The following STAG1 variants were observed in gnomAD, a reference collection of about 807,000 sequenced individuals.
STAG1 encodes the protein cohesin subunit SA-1.
A neutral mutation model predicts 170.9 loss-of-function variants in STAG1; 26 were observed. The ratio of observed to expected loss-of-function variants is 0.15; its 90% confidence interval spans 0.11 to 0.21. The LOEUF is 0.21. Among genes scored for constraint, STAG1 ranks in the 10% least tolerant of loss-of-function variants. The pLI is 1.00. For synonymous variants in STAG1, 514 were observed against 497.7 expected, an observed-to-expected ratio of 1.03 and a Z score of -0.44; for missense variants, 964 against 1,509.5, an observed-to-expected ratio of 0.64 and a Z score of 5.99.
intron 15 of STAG1, among the ~76,000 whole-genome samples, chr3:136,435,937 G>A (rs1697840576): frequency 6.6e-6 from 1 of 151,884 alleles, no homozygotes; most frequent in Non-Finnish European, 1.5e-5. Context: ...CAAAGCACGG[G>A]GATTACAGGT....
At chr3:136,355,158 G>A (rs1936597127) in intron 28 of STAG1, among the ~76,000 whole-genome samples, 1 of 151,714 alleles carries the variant, frequency 6.6e-6, no homozygotes, top group Admixed American at 6.6e-5. Context: ...TTCAAGACCA[G>A]CCTGGCCAAC....
intron 3 of STAG1, 44 bp from the exon 4 acceptor site, chr3:136,604,517 TTGC>T (rs775764669): frequency 2.0e-6 from 3 of 1,520,190 alleles, no homozygotes; most frequent in Non-Finnish European, 2.7e-6. Flanking sequence ...TAGGTTTACT[TTGC>T]TTTATATAAA....
At chr3:136,340,691 C>A in intron 31 of STAG1, 86 bp from the exon 32 acceptor site, 1 of 842,144 alleles carries the variant, frequency 1.2e-6, no homozygotes, top group South Asian at 1.4e-5. Context: ...GTTATTCTAA[C>A]CAAGTGAAGT....
At chr3:136,568,138 T>C (rs1424953229) in intron 5 of STAG1, among the ~76,000 whole-genome samples, 1 of 152,096 alleles carries the variant, frequency 6.6e-6, no homozygotes, top group Non-Finnish European at 1.5e-5. Flanking sequence ...CAATTAAAGA[T>C]TACTATTCTT....
At chr3:136,624,911 T>C (rs1940029894) in intron 2 of STAG1, among the ~76,000 whole-genome samples, 1 of 152,228 alleles carries the variant, frequency 6.6e-6, no homozygotes, top group Non-Finnish European at 1.5e-5. Context: ...AATAGTAACA[T>C]GAAATAATTA....
intron 1 of STAG1, among the ~76,000 whole-genome samples, chr3:136,730,887 C>T (rs1934004787): frequency 6.6e-6 from 1 of 152,208 alleles, no homozygotes; most frequent in Non-Finnish European, 1.5e-5. Context: ...CTTCAGCCTA[C>T]ATCAGAATCA....
At chr3:136,362,447 G>A (rs761310474) in intron 26 of STAG1, among the ~76,000 whole-genome samples, 1 of 150,484 alleles carries the variant, frequency 6.6e-6, no homozygotes, top group Admixed American at 6.6e-5. Flanking sequence ...GCTGATTGAT[G>A]TATACATCTA....
chr3:136,359,271 T>C lies in STAG1; in HGVS notation c.2813A>G (p.Gln938Arg). 1 of 1,601,298 alleles carries C rather than the reference T, an allele frequency of 6.2e-7. No homozygotes were observed. Among genetic ancestry groups the C allele is most frequent in the Non-Finnish European group, 8.5e-7 (1 of 1,174,014 alleles). The change falls in exon 27 of 34, where the codon CAA (glutamine) becomes CGA (arginine). Residue 938 changes from glutamine (Q) to arginine (R), a missense_variant. Physicochemically the swap from Gln to Arg is conservative, Grantham distance 43. Coordinates refer to ENST00000383202, the MANE Select transcript of STAG1 (RefSeq NM_005862.3). ...QQLFNELVQE[Q>R]GPNLDRTSAH... ...AGATGTCCTATCTAGGTTGGGACCT[T>C]GCTCTTGAACAAGTTCATTAAATAA...
At chr3:136,738,298 CT>C (rs1365401902) in intron 1 of STAG1, among the ~76,000 whole-genome samples, 1 of 151,962 alleles carries the variant, frequency 6.6e-6, no homozygotes, top group African/African-American at 2.4e-5. Context: ...CGAGACCAGC[CT>C]GGCCAACATG....
chr3:136,491,576 G>C (rs2090125742), intron 9 of STAG1, among the ~76,000 whole-genome samples: 1 of 152,174 alleles, frequency 6.6e-6, no homozygotes, highest in African/African-American at 2.4e-5. Context: ...CATTTGGTCT[G>C]AAGTACAGTT....
intron 29 of STAG1, 172 bp downstream of exon 29, chr3:136,348,985 CT>C: frequency 3.3e-6 from 2 of 610,502 alleles, no homozygotes; most frequent in Non-Finnish European, 5.7e-6. Flanking sequence ...TTCCTTGATG[CT>C]TTTCTGTCTT....
intron 21 of STAG1, among the ~76,000 whole-genome samples, chr3:136,400,111 C>T (rs940951386): frequency 3.3e-5 from 5 of 151,892 alleles, no homozygotes; most frequent in Admixed American, 6.6e-5. Context: ...TGAGTAGAGG[C>T]GGGGTTTCAC....
chr3:136,520,764 GA>G (rs765564834), intron 7 of STAG1, among the ~76,000 whole-genome samples: 12 of 152,046 alleles, frequency 7.9e-5, no homozygotes, highest in Admixed American at 2.0e-4. Flanking sequence ...GGAATAGGAA[GA>G]ATGTTTGTTA....
chr3:136,369,346 T>C, intron 23 of STAG1, 64 bp from the exon 24 acceptor site: 1 of 1,296,724 alleles, frequency 7.7e-7, no homozygotes. Context: ...TCAACATTAA[T>C]GAAAATGTAT....
At chr3:136,450,249 G>A (rs942733718) in intron 14 of STAG1, among the ~76,000 whole-genome samples, 1 of 152,136 alleles carries the variant, frequency 6.6e-6, no homozygotes, top group African/African-American at 2.4e-5. Flanking sequence ...CTTGGACCAC[G>A]AGCATGAGCA....
intron 1 of STAG1, among the ~76,000 whole-genome samples, chr3:136,681,412 T>A (rs1942330050): frequency 6.6e-6 from 1 of 152,196 alleles, no homozygotes; most frequent in Non-Finnish European, 1.5e-5. Context: ...AAATTAAGCC[T>A]TCCTTATATG....
rs144122325 is a variant in STAG1 at position 136,474,511 on chromosome 3, T to C, written c.1027-874A>G. 7.2e-5 allele frequency among the ~76,000 whole-genome samples: 11 copies of C among 152,306 alleles called. No individual in the cohort carries two copies. The East Asian group carries it at 1.5e-3, about 21-fold the overall frequency. On this transcript the variant is annotated intron_variant, in intron 10 of 33. Coordinates refer to ENST00000383202, the MANE Select transcript of STAG1 (RefSeq NM_005862.3). ...AACAAAGAGCTCTGAGGAATAGGGTTCTGATTTGTTCTCTTTGCAGATTTA... is the reference window on the plus strand; with the variant it reads ...AACAAAGAGCTCTGAGGAATAGGGTCCTGATTTGTTCTCTTTGCAGATTTA...
At chr3:136,587,278 A>G (rs1937876708) in intron 4 of STAG1, among the ~76,000 whole-genome samples, 1 of 152,138 alleles carries the variant, frequency 6.6e-6, no homozygotes, top group South Asian at 2.1e-4. Context: ...GATGGCTCAC[A>G]CCTGTAATTC....
intron 1 of STAG1, among the ~76,000 whole-genome samples, chr3:136,739,241 G>C (rs1469984629): frequency 1.3e-5 from 2 of 150,852 alleles, no homozygotes; most frequent in Non-Finnish European, 3.0e-5. Flanking sequence ...CACTGGGTGA[G>C]GCTCGGTGGC....
Sources: allele counts gnomAD v4.1 joint callset (sites outside exome capture counted in the v4.1 genomes callset), GRCh38; gene constraint gnomAD v4.1.1; transcripts MANE v1.5; gene names NCBI Gene and HGNC (gene_info 2026-07-23, HGNC 2026-07-21).